The following DOP1B variants were observed in gnomAD, a reference collection of about 807,000 sequenced individuals.
DOP1B encodes DOP1 leucine zipper like protein B, also known as protein DOP1B.
Under a neutral mutation model 233.5 loss-of-function variants are expected in DOP1B, and 174 were observed. The observed-to-expected ratio is 0.75, with a 90% CI of 0.66 to 0.85. The LOEUF (loss-of-function observed/expected upper bound fraction) is 0.85, where lower values mean the gene tolerates loss of function less well. Among genes scored for constraint, DOP1B ranks in the 40% least tolerant of loss-of-function variants. DOP1B has a pLI of 0.00. For missense variants in DOP1B, 2,652 were observed against 2,846.6 expected (o/e 0.93, Z 1.56); for synonymous variants, 1,190 against 1,185.6 (o/e 1.00, Z -0.08).
Position 36,277,945 on chromosome 21 carries a change from TTC to T in DOP1B, c.5713-28_5713-27del, listed in dbSNP as rs565254687. On this transcript the variant is annotated intron_variant, in intron 28 of 36. Coordinates refer to ENST00000691173, the MANE Select transcript of DOP1B (RefSeq NM_001320714.2). ...GTGTGAGCCGTCGCACCTGGCCAGT[TTC>T]TGTTTTCTTAGGGCCTTGTTCTTTT... is the stretch of plus-strand genomic sequence containing the variant. 1,532 of 1,585,188 alleles carry T rather than the reference TTC, an allele frequency of 9.7e-4. 2 individuals carry two copies. Among genetic ancestry groups the T allele is most frequent in the Non-Finnish European group, 1.2e-3 (1,394 of 1,153,888 alleles).
chr21:36,207,799 G>A lies in DOP1B; in HGVS notation c.492-916G>A, dbSNP rs556505913. ...TTTCAGGTAATGAGTCAGATCCTTC[G>A]TGGGGTGATATCCCTTAGGGGGAAT... On this transcript the variant is annotated intron_variant, in intron 4 of 36. Transcript: ENST00000691173. Among the ~76,000 whole-genome samples the A allele has an allele frequency of 1.4e-4, 22 of 152,248 alleles. No individual in the cohort carries two copies. The South Asian group carries it at 1.9e-3, about 13-fold the overall frequency.
intron 2 of DOP1B, among the ~76,000 whole-genome samples, chr21:36,183,903 G>A (rs1257478750): frequency 5.4e-5 from 8 of 148,910 alleles, no homozygotes; most frequent in Admixed American, 1.4e-4. Flanking sequence ...TCACTCTGTC[G>A]CCCAGGCTGG....
At chr21:36,162,548 CT>C (rs11442193) in intron 1 of DOP1B, among the ~76,000 whole-genome samples, 4 of 148,894 alleles carry the variant, frequency 2.7e-5, no homozygotes, top group Non-Finnish European at 1.5e-5. Context: ...TCTTCACTTT[CT>C]TTTTTTTTTG....
chr21:36,222,350 A>T (rs76173299), intron 10 of DOP1B, among the ~76,000 whole-genome samples: 1 of 151,200 alleles, frequency 6.6e-6, no homozygotes, highest in East Asian at 2.0e-4. Context: ...AGGCTGAGGC[A>T]GGTGGATCAC....
chr21:36,280,404 C>A, intron 31 of DOP1B, 58 bp downstream of exon 31: 1 of 1,294,822 alleles, frequency 7.7e-7, no homozygotes, highest in South Asian at 1.3e-5. Context: ...GCCAATATAA[C>A]CAGCTTTCAT....
At position 36,245,027 on chromosome 21, in the gene DOP1B, T is replaced by G; in HGVS notation, c.3068-21T>G. 1 of 1,577,448 alleles carries G rather than the reference T, an allele frequency of 6.3e-7. No homozygotes were observed. The highest frequency in any genetic ancestry group is 8.7e-7 in the Non-Finnish European group (1 of 1,155,858). On this transcript the variant is annotated intron_variant, in intron 18 of 36. Coordinates refer to ENST00000691173, the MANE Select transcript of DOP1B (RefSeq NM_001320714.2). This position sits in a 1 kb window ranked among gnomAD's most constrained non-coding sequence, Gnocchi z 5.5. The stretch of plus-strand genomic sequence containing the variant: ...AGCTGACCCTTCTGTCTAAAGTCAT[T>G]TGTCATCTTGTAATTTTCAGATGAC...
intron 26 of DOP1B, among the ~76,000 whole-genome samples, chr21:36,268,604 T>C (rs1341320384): frequency 6.6e-6 from 1 of 152,256 alleles, no homozygotes; most frequent in African/African-American, 2.4e-5. Flanking sequence ...ATTTGGGAAC[T>C]GATAAATGTC....
intron 30 of DOP1B, 144 bp downstream of exon 30, chr21:36,278,499 T>C: frequency 1.3e-6 from 1 of 769,474 alleles, no homozygotes; most frequent in Non-Finnish European, 2.0e-6. Flanking sequence ...CAGGCTCGCA[T>C]GTTGACCATG....
At position 36,232,855 on chromosome 21, in the gene DOP1B, G is replaced by A. The variant is rs1277949973; in HGVS notation, c.2402G>A (p.Cys801Tyr). The A allele has an allele frequency of 6.2e-7, 1 of 1,613,474 alleles. No individual in the cohort carries two copies. The highest frequency in any genetic ancestry group is 8.5e-7 in the Non-Finnish European group (1 of 1,179,950). The change falls in exon 15 of 37, where the codon TGC (cysteine) becomes TAC (tyrosine). Residue 801 changes from cysteine to tyrosine, a missense_variant. Around this residue, in one of 3 missense-constraint regions of DOP1B, gnomAD observed 2,617 missense variants for 2,794.3 expected, o/e 0.94. Transcript: ENST00000691173. ...PSWLKSLMTI[C>Y]CCVTDCYLQN... ...TGGCTGAAGTCCCTCATGACTATTT[G>A]CTGCTGTGTGACTGACTGCTACCTC...
At chr21:36,286,642 AC>A (rs1337661679) in intron 32 of DOP1B, among the ~76,000 whole-genome samples, 3 of 5,734 alleles carry the variant, frequency 5.2e-4, no homozygotes, top group Non-Finnish European at 7.7e-4. Flanking sequence ...TCTCAAAAAC[AC>A]ACACACACAC....
intron 1 of DOP1B, among the ~76,000 whole-genome samples, chr21:36,164,129 A>G (rs2065889141): frequency 6.6e-6 from 1 of 152,194 alleles, no homozygotes; most frequent in Non-Finnish European, 1.5e-5. Flanking sequence ...GAAAAGGAGA[A>G]CAAGGCATGT....
At chr21:36,207,499 G>GTTTTTTTTT (rs1164791099) in intron 4 of DOP1B, among the ~76,000 whole-genome samples, 9 of 89,590 alleles carry the variant, frequency 1.0e-4, no homozygotes, top group Non-Finnish European at 1.5e-4. Context: ...AGTTTTTTTT[G>GTTTTTTTTT]TTTTTTTTTT....
At chr21:36,195,886 G>A (rs1197168481) in intron 2 of DOP1B, among the ~76,000 whole-genome samples, 1 of 152,202 alleles carries the variant, frequency 6.6e-6, no homozygotes, top group Non-Finnish European at 1.5e-5. Flanking sequence ...TTTCTCAGGG[G>A]CTTTATCTCA....
At chr21:36,186,489 G>T (rs1039002678) in intron 2 of DOP1B, among the ~76,000 whole-genome samples, 1 of 152,244 alleles carries the variant, frequency 6.6e-6, no homozygotes, top group Non-Finnish European at 1.5e-5. Flanking sequence ...ACATGTGTAC[G>T]CATATCCAGT....
rs1211120416 is a variant in DOP1B at position 36,253,787 on chromosome 21, A to G, written c.5137A>G (p.Ser1713Gly). The change falls in exon 23 of 37, where the codon AGT becomes GGT. Residue 1713 changes from serine to glycine, a missense_variant. Around this residue, in one of 3 missense-constraint regions of DOP1B, gnomAD observed 2,617 missense variants for 2,794.3 expected, o/e 0.94. Transcript: ENST00000691173. ...HSKMKIIPTA[S>G]ASQLTLVDLV... Reference sequence around the variant, plus strand: ...TTCTTGGCAGATTATCCCAACGGCAAGTGCATCCCAGCTAACCCTTGTCGA... The same window carrying G: ...TTCTTGGCAGATTATCCCAACGGCAGGTGCATCCCAGCTAACCCTTGTCGA... 7 of 1,612,646 alleles carry G rather than the reference A, an allele frequency of 4.3e-6. No homozygotes were observed. Among genetic ancestry groups the G allele is most frequent in the South Asian group, 1.1e-5 (1 of 90,884 alleles).
chr21:36,251,010 G>A lies in DOP1B; in HGVS notation c.4999-152G>A, dbSNP rs947641832. 4.7e-6 allele frequency: 5 copies of A among 1,065,386 alleles called. No homozygotes were observed. In the East Asian group the frequency reaches 7.9e-5, roughly 17 times the overall value. The allele number at this position is 1,065,386 out of a possible 1,614,324, so 66.0% of individuals were successfully genotyped here. A position where few individuals can be genotyped will look rare whatever the true frequency, so the allele number is the denominator to read the frequency against. On this transcript the variant is annotated intron_variant, in intron 21 of 36. Coordinates refer to ENST00000691173, the MANE Select transcript of DOP1B (RefSeq NM_001320714.2). ...AGGGTTTGATTCCTCCCATTGCTGG[G>A]ATCCACCCATCAGGGAAGCACCTCA...
chr21:36,213,398 A>G (rs2066523038), intron 7 of DOP1B, among the ~76,000 whole-genome samples: 1 of 152,086 alleles, frequency 6.6e-6, no homozygotes, highest in Non-Finnish European at 1.5e-5. Flanking sequence ...TCTTGCCCTG[A>G]GAACCTTGCA....
chr21:36,269,906 T>C (rs1255353616), intron 26 of DOP1B, 107 bp from the exon 27 acceptor site: 2 of 1,180,438 alleles, frequency 1.7e-6, no homozygotes, highest in Non-Finnish European at 2.4e-6. Flanking sequence ...ACGTATATGC[T>C]CACAGCTGTG....
chr21:36,189,715 A>T (rs2066209170), intron 2 of DOP1B, among the ~76,000 whole-genome samples: 2 of 151,558 alleles, frequency 1.3e-5, no homozygotes, highest in African/African-American at 4.9e-5. Context: ...GTCTCAAAAA[A>T]AAATGGGATT....
Sources: gnomAD v4.1 joint callset for allele counts (sites outside exome capture counted in the v4.1 genomes callset) on GRCh38, gnomAD v4.1.1 for gene constraint, gnomAD v4.1.1 regional missense constraint, Gnocchi (gnomAD v3.1) non-coding constraint, MANE v1.5 for transcripts, NCBI Gene and HGNC (gene_info 2026-07-23, HGNC 2026-07-21) for gene names.